UBN2: variants seen among roughly 807,000 people sequenced by gnomAD.
UBN2 encodes ubinuclein 2.
UBN2 carries 35 observed loss-of-function variants against 120.2 expected under a neutral mutation model. The observed-to-expected ratio is 0.29, with a 90% CI of 0.22 to 0.39. The LOEUF is 0.39. UBN2 is among the 10% of genes least tolerant of loss of function. The pLI is 1.00. For missense variants in UBN2, 1,693 were observed against 1,663.2 expected, an observed-to-expected ratio of 1.02 and a Z score of -0.31; for synonymous variants, 661 against 648.7, an observed-to-expected ratio of 1.02 and a Z score of -0.29.
chr7:139,318,401 C>G, the UBN2 span, among the ~76,000 whole-genome samples: 1 of 152,204 alleles, frequency 6.6e-6, no homozygotes, highest in Admixed American at 6.5e-5. Context: ...TTTTTACTAA[C>G]TTGCTCATGG....
At chr7:139,259,785 A>G (rs1796875587) in intron 5 of UBN2, among the ~76,000 whole-genome samples, 1 of 152,146 alleles carries the variant, frequency 6.6e-6, no homozygotes, top group South Asian at 2.1e-4. Flanking sequence ...GTCTCACTGT[A>G]TCACCCAGGC....
intron 3 of UBN2, among the ~76,000 whole-genome samples, chr7:139,254,020 G>A (rs955510986): frequency 8.5e-5 from 13 of 152,168 alleles, no homozygotes; most frequent in African/African-American, 2.9e-4. Flanking sequence ...ACGGCCGGGT[G>A]CGGTGGCTCA....
At chr7:139,322,970 A>G in the UBN2 span, among the ~76,000 whole-genome samples, 1 of 152,188 alleles carries the variant, frequency 6.6e-6, no homozygotes, top group Non-Finnish European at 1.5e-5. Context: ...ACGAGAAGGA[A>G]TCACTCACTC....
At chr7:139,276,234 G>A in intron 12 of UBN2, 87 bp downstream of exon 12, 4 of 1,233,958 alleles carry the variant, frequency 3.2e-6, no homozygotes, top group Non-Finnish European at 4.7e-6. Flanking sequence ...ATGCTAGTTG[G>A]AATAGGACTT....
chr7:139,319,411 G>A, the UBN2 span, among the ~76,000 whole-genome samples: 205 of 152,196 alleles, frequency 1.3e-3, 1 homozygote, highest in African/African-American at 4.7e-3. Flanking sequence ...CCACCCCACC[G>A]TGCCTGTCTG....
At chr7:139,274,157 GA>G in intron 11 of UBN2, 83 bp downstream of exon 11, 16 of 1,352,016 alleles carry the variant, frequency 1.2e-5, no homozygotes, top group Non-Finnish European at 1.6e-5. Flanking sequence ...ACACATATGT[GA>G]CATTGATTTT....
At position 139,231,676 on chromosome 7, in the gene UBN2, G is replaced by A; in HGVS notation, c.192G>A (p.Gln64=). 1 of 1,185,680 alleles carries A rather than the reference G, an allele frequency of 8.4e-7. No individual in the cohort carries two copies. The highest frequency in any genetic ancestry group is 4.0e-5 in the South Asian group (1 of 24,772). 73.4% of individuals were successfully genotyped at this position (1,185,680 alleles called of 1,614,324 possible). ...AGCCTGCCCCCCGCTCGGACGCGCA[G>A]CCCCCGTCGCGGGAGAAGCCGCTCC... ...PREPAPRSDA[Q]PPSREKPLPQ... The change falls in exon 1 of 18, where the codon CAG becomes CAA. Residue 64 remains glutamine (Q), a synonymous_variant. Coordinates refer to ENST00000473989, the MANE Select transcript of UBN2 (RefSeq NM_173569.4).
chr7:139,279,577 T>C (rs1797543203), intron 13 of UBN2, among the ~76,000 whole-genome samples: 1 of 152,216 alleles, frequency 6.6e-6, no homozygotes, highest in Non-Finnish European at 1.5e-5. Context: ...AGCTTAACTT[T>C]ATTAATACTT....
Position 139,306,913 on chromosome 7 carries a change from T to C in UBN2, c.*9077T>C, listed in dbSNP as rs1376979762. 2.0e-5 allele frequency: 3 copies of C among 152,234 alleles called. No individual in the cohort carries two copies. The highest frequency in any genetic ancestry group is 4.4e-5 in the Non-Finnish European group (3 of 68,024). The allele number at this position is 152,234 out of a possible 1,614,324, so 9.4% of individuals were successfully genotyped here. On this transcript the variant is annotated 3_prime_UTR_variant, in exon 18 of 18. Transcript: ENST00000473989. ...ACAAGCAAGAAAGTTCATTTGCAGT[T>C]GTAAAAATGATTACCGAACTCCAGA...
In UBN2 at chr7:139,231,264, C is replaced by T. The variant is rs1040855794; in HGVS notation, c.-221C>T. 3.9e-5 allele frequency among the ~76,000 whole-genome samples: 6 copies of T among 152,374 alleles called. No homozygotes were observed. Among genetic ancestry groups the T allele is most frequent in the Middle Eastern group, 3.4e-3 (1 of 294 alleles). On this transcript the variant is annotated 5_prime_UTR_variant, in exon 1 of 18. Coordinates refer to ENST00000473989, the MANE Select transcript of UBN2 (RefSeq NM_173569.4). ...GCTTCTATTTATGTGGGGGATCCAA[C>T]ATGGCGGCCGCGGCGACCCTGGCGA...
Position 139,297,990 on chromosome 7 carries a change from A to G in UBN2, c.*154A>G. The G allele has an allele frequency of 1.2e-6, 1 of 805,670 alleles. No homozygotes were observed. The highest frequency in any genetic ancestry group is 1.9e-6 in the Non-Finnish European group (1 of 513,328). The allele number at this position is 805,670 out of a possible 1,614,324, so 49.9% of individuals were successfully genotyped here. On this transcript the variant is annotated 3_prime_UTR_variant, in exon 18 of 18. Transcript: ENST00000473989. ...GTGAGGAGGAAAAAGAAAAGAAAACATTACTTGAGCAAAGCCAGGTGCAGG... is the reference window on the plus strand; with the variant it reads ...GTGAGGAGGAAAAAGAAAAGAAAACGTTACTTGAGCAAAGCCAGGTGCAGG...
Position 139,246,672 on chromosome 7 carries a change from G to T in UBN2, c.562-5284G>T, listed in dbSNP as rs532219667. On this transcript the variant is annotated intron_variant, in intron 2 of 17. Transcript: ENST00000473989. ...ACTACAATCATGATACGGAACAATT[G>T]CATCACCCCAGAAAATTCCCTTTAC... Among the ~76,000 whole-genome samples, 302 of 152,270 alleles carry T rather than the reference G, an allele frequency of 2.0e-3. 1 individual carries two copies. Among genetic ancestry groups the T allele is most frequent in the Non-Finnish European group, 3.1e-3 (209 of 68,024 alleles).
chr7:139,252,517 T>C (rs1387323438), intron 3 of UBN2, among the ~76,000 whole-genome samples: 4 of 152,240 alleles, frequency 2.6e-5, no homozygotes, highest in Non-Finnish European at 4.4e-5. Flanking sequence ...TATTAATTTC[T>C]TTTGATTTTT....
chr7:139,291,507 A>G (rs954247020), intron 15 of UBN2, among the ~76,000 whole-genome samples: 3 of 152,164 alleles, frequency 2.0e-5, no homozygotes, highest in African/African-American at 4.8e-5. Flanking sequence ...ATAATATATG[A>G]TAATGAGAAA....
intron 1 of UBN2, among the ~76,000 whole-genome samples, chr7:139,234,903 C>T (rs1563200218): frequency 6.6e-6 from 1 of 152,064 alleles, no homozygotes; most frequent in Non-Finnish European, 1.5e-5. Flanking sequence ...GATCAAAGGA[C>T]AAAATTATTG....
At position 139,261,300 on chromosome 7, in the gene UBN2, T is replaced by C. The variant is rs1221393607; in HGVS notation, c.954T>C (p.Tyr318=). The C allele has an allele frequency of 1.2e-6, 2 of 1,612,288 alleles. No homozygotes were observed. Among genetic ancestry groups the C allele is most frequent in the Non-Finnish European group, 1.7e-6 (2 of 1,179,616 alleles). Residue 318 remains tyrosine (Y), a synonymous_variant, in exon 6 of 18, where the codon TAT becomes TAC. Coordinates refer to ENST00000473989, the MANE Select transcript of UBN2 (RefSeq NM_173569.4). ...SHKSEKKKKR[Y]KDSLSLAAMI... ...AGTCTGAAAAAAAGAAGAAACGTTATAAAGATTCTCTTTCTCTAGCTGCCA... is the reference window on the plus strand; with the variant it reads ...AGTCTGAAAAAAAGAAGAAACGTTACAAAGATTCTCTTTCTCTAGCTGCCA...
Position 139,231,713 on chromosome 7 carries a change from G to A in UBN2, c.229G>A (p.Val77Ile). 1 of 1,179,434 alleles carries A rather than the reference G, an allele frequency of 8.5e-7. No homozygotes were observed. Among genetic ancestry groups the A allele is most frequent in the African/African-American group, 1.6e-5 (1 of 61,682 alleles). 73.1% of individuals were successfully genotyped at this position (1,179,434 alleles called of 1,614,324 possible). ...GGAGAAGCCGCTCCCCCAGCGCGAG[G>A]TCAGCCGCGCCGAGCCGCCCATGTC... ...SREKPLPQRE[V>I]SRAEPPMSLQ... The change falls in exon 1 of 18, where the codon GTC (valine) becomes ATC (isoleucine). Residue 77 changes from valine (V) to isoleucine (I), a missense_variant. Physicochemically the swap from Val to Ile is conservative, Grantham distance 29. Coordinates refer to ENST00000473989, the MANE Select transcript of UBN2 (RefSeq NM_173569.4).
chr7:139,254,096 A>G (rs1384988598), intron 3 of UBN2, among the ~76,000 whole-genome samples: 1 of 152,134 alleles, frequency 6.6e-6, no homozygotes, highest in Non-Finnish European at 1.5e-5. Flanking sequence ...GATCGAGACC[A>G]TCCTGGCTAA....
chr7:139,279,218 G>T, intron 12 of UBN2, 100 bp from the exon 13 acceptor site: 1 of 937,664 alleles, frequency 1.1e-6, no homozygotes, highest in Non-Finnish European at 1.7e-6. Context: ...TTTCCAAATA[G>T]CAGAAGGAAT....
Sources: allele counts gnomAD v4.1 joint callset (sites outside exome capture counted in the v4.1 genomes callset), GRCh38; gene constraint gnomAD v4.1.1; transcripts MANE v1.5; gene names NCBI Gene and HGNC (gene_info 2026-07-23, HGNC 2026-07-21).